Variants in COL26A1 observed in about 807,000 individuals in gnomAD.
COL26A1 encodes collagen type XXVI alpha 1 chain, also known as collagen alpha-1(XXVI) chain.
COL26A1 carries 41 observed loss-of-function variants against 59.3 expected under a neutral mutation model. The ratio of observed to expected loss-of-function variants is 0.69; its 90% CI spans 0.54 to 0.90. The LOEUF is 0.90. Among genes scored for constraint, COL26A1 ranks in the 40% least tolerant of loss-of-function variants. The pLI is 0.00. For synonymous variants in COL26A1, 266 were observed against 256.0 expected, an observed-to-expected ratio of 1.04 and a Z score of -0.37; for missense variants, 612 against 602.3, an observed-to-expected ratio of 1.02 and a Z score of -0.17.
chr7:101,387,524 A>G (rs1390877695), intron 1 of COL26A1, among the ~76,000 whole-genome samples: 1 of 150,472 alleles, frequency 6.6e-6, no homozygotes, highest in Admixed American at 6.6e-5. Context: ...GACCTAACAG[A>G]CGATTTACTG....
At position 101,489,675 on chromosome 7, in the gene COL26A1, TCCTTCC is replaced by T. The variant is rs1489874559; in HGVS notation, c.385+41889_385+41894del. Among the ~76,000 whole-genome samples the T allele has an allele frequency of 1.6e-3, 73 of 45,942 alleles. 10 individuals carry two copies. The highest frequency in any genetic ancestry group is 6.7e-3 in the African/African-American group (26 of 3,870). The allele number at this position is 45,942 out of a possible 152,430, so 30.1% of individuals were successfully genotyped here. A position where few individuals can be genotyped will look rare whatever the true frequency, so the allele number is the denominator to read the frequency against. On this transcript the variant is annotated intron_variant, in intron 3 of 12. Transcript: ENST00000313669. ...TTTCTTTCTTTCTTCCTTCCTTCCT[TCCTTCC>T]TTTCTTTCTTTCTTTCTGTCTTTCT...
chr7:101,544,752 T>G (rs939108647), intron 6 of COL26A1, among the ~76,000 whole-genome samples: 34 of 150,470 alleles, frequency 2.3e-4, no homozygotes, highest in African/African-American at 7.8e-4. Flanking sequence ...AGGCTGGTCT[T>G]GAACTCCTGA....
At chr7:101,382,637 A>G (rs1452461627) in intron 1 of COL26A1, among the ~76,000 whole-genome samples, 1 of 152,108 alleles carries the variant, frequency 6.6e-6, no homozygotes, top group Non-Finnish European at 1.5e-5. Flanking sequence ...AAATATTCTT[A>G]GTTGTTCTTA....
At chr7:101,556,847 A>G (rs1171135923) in intron 12 of COL26A1, among the ~76,000 whole-genome samples, 2 of 149,732 alleles carry the variant, frequency 1.3e-5, no homozygotes, top group Admixed American at 6.7e-5. Context: ...ATGGATGGGT[A>G]AATGAGTGAA....
intron 12 of COL26A1, 149 bp from the exon 13 acceptor site, chr7:101,557,221 A>T: frequency 1.5e-6 from 1 of 668,442 alleles, no homozygotes; most frequent in Admixed American, 3.0e-5. Context: ...CCATGAATGA[A>T]TGAATGCATA....
intron 3 of COL26A1, among the ~76,000 whole-genome samples, chr7:101,448,248 C>T (rs1793248793): frequency 6.6e-6 from 1 of 152,218 alleles, no homozygotes; most frequent in Non-Finnish European, 1.5e-5. Context: ...GTTCACCCAG[C>T]TGCTTTCTGC....
intron 1 of COL26A1, among the ~76,000 whole-genome samples, chr7:101,366,379 C>T (rs570567157): frequency 2.0e-5 from 3 of 150,500 alleles, no homozygotes; most frequent in South Asian, 2.1e-4. Context: ...GTGTGTTTAC[C>T]GGGGCTTGGC....
intron 3 of COL26A1, among the ~76,000 whole-genome samples, chr7:101,474,494 A>G (rs1793987243): frequency 6.6e-6 from 1 of 152,098 alleles, no homozygotes; most frequent in South Asian, 2.1e-4. Context: ...CAGGGGGCTG[A>G]GGTGGGAGGA....
chr7:101,476,748 C>T (rs1013226868), intron 3 of COL26A1, among the ~76,000 whole-genome samples: 4 of 151,362 alleles, frequency 2.6e-5, no homozygotes, highest in East Asian at 2.0e-4. Flanking sequence ...GGGGTTTTAC[C>T]GTGTTAGCCA....
At chr7:101,420,609 C>T (rs1221184656) in intron 2 of COL26A1, among the ~76,000 whole-genome samples, 1 of 151,832 alleles carries the variant, frequency 6.6e-6, no homozygotes, top group African/African-American at 2.4e-5. Context: ...CCAGCCCTGA[C>T]CCTCATGAGC....
At chr7:101,550,418 A>G (rs1437882870) in intron 9 of COL26A1, among the ~76,000 whole-genome samples, 2 of 142,282 alleles carry the variant, frequency 1.4e-5, no homozygotes, top group Non-Finnish European at 3.1e-5. Context: ...CTCTCATGGC[A>G]CCACTGCCCT....
In COL26A1 at chr7:101,495,662, G is replaced by A. The variant is rs549179233; in HGVS notation, c.386-37420G>A. 2.0e-3 allele frequency among the ~76,000 whole-genome samples: 300 copies of A among 151,038 alleles called. 1 individual carries two copies. The highest frequency in any genetic ancestry group is 2.8e-3 in the Non-Finnish European group (188 of 67,648). On this transcript the variant is annotated intron_variant, in intron 3 of 12. Transcript: ENST00000313669. ...TCTCAATCTCCTGACCTTGTGATCCGCCCACCTCGGCCTCCCAAAGTGCTG... is the reference window on the plus strand; with the variant it reads ...TCTCAATCTCCTGACCTTGTGATCCACCCACCTCGGCCTCCCAAAGTGCTG...
rs550013964 is a variant in COL26A1 at position 101,391,680 on chromosome 7, G to A, written c.159-28297G>A. Among the ~76,000 whole-genome samples the A allele has an allele frequency of 3.9e-5, 6 of 152,090 alleles. No individual in the cohort carries two copies. The South Asian group carries it at 1.0e-3, about 26-fold the overall frequency. ...GTTCAAAGAGATTCTCCTGCCTCCC[G>A]AGTAGCTGGGACTACAGGCGTGTGC... On this transcript the variant is annotated intron_variant, in intron 1 of 12. Coordinates refer to ENST00000313669, the MANE Select transcript of COL26A1 (RefSeq NM_001278563.3).
At chr7:101,469,418 A>G (rs2130455353) in intron 3 of COL26A1, among the ~76,000 whole-genome samples, 1 of 152,136 alleles carries the variant, frequency 6.6e-6, no homozygotes, top group Non-Finnish European at 1.5e-5. Context: ...GACTGCTCCC[A>G]CGTCAGATGC....
intron 3 of COL26A1, among the ~76,000 whole-genome samples, chr7:101,475,890 TTCTTTCTCTC>T (rs1172390298): frequency 8.0e-5 from 11 of 136,790 alleles, no homozygotes; most frequent in Non-Finnish European, 1.5e-4. Flanking sequence ...TTCTCTCTCT[TTCTTTCTCTC>T]TCTTTCTCTC....
chr7:101,450,455 A>C (rs965936674), intron 3 of COL26A1, among the ~76,000 whole-genome samples: 9 of 152,064 alleles, frequency 5.9e-5, no homozygotes, highest in Non-Finnish European at 1.2e-4. Flanking sequence ...AGCACAAACT[A>C]TCCAATGTGG....
At chr7:101,469,824 C>T (rs1477192170) in intron 3 of COL26A1, among the ~76,000 whole-genome samples, 2 of 151,890 alleles carry the variant, frequency 1.3e-5, no homozygotes, top group Non-Finnish European at 2.9e-5. Context: ...TTTGGTAATT[C>T]GCTAGAACCA....
intron 3 of COL26A1, among the ~76,000 whole-genome samples, chr7:101,511,309 C>A (rs1794920454): frequency 6.6e-6 from 1 of 152,208 alleles, no homozygotes; most frequent in Admixed American, 6.5e-5. Flanking sequence ...CCACACCAAA[C>A]CCTTTAGAAG....
chr7:101,435,132 C>CACTA lies in COL26A1; in HGVS notation c.282-12552_282-12551insACTA, dbSNP rs1426867226. Among the ~76,000 whole-genome samples, 4 of 152,136 alleles carry CACTA rather than the reference C, an allele frequency of 2.6e-5. No individual in the cohort carries two copies. The East Asian group carries it at 5.8e-4, about 22-fold the overall frequency. The stretch of plus-strand genomic sequence containing the variant: ...CTGAGATCAGGAGTTCGAGACCAGC[C>CACTA]TGGCCAACATAGTGAAACCCTGTCT... On this transcript the variant is annotated intron_variant, in intron 2 of 12. Coordinates refer to ENST00000313669, the MANE Select transcript of COL26A1 (RefSeq NM_001278563.3).
Sources: gnomAD v4.1 joint callset for allele counts (sites outside exome capture counted in the v4.1 genomes callset) on GRCh38, gnomAD v4.1.1 for gene constraint, MANE v1.5 for transcripts, NCBI Gene and HGNC (gene_info 2026-07-23, HGNC 2026-07-21) for gene names.